The following ROBO1 variants were observed in gnomAD, a reference collection of about 807,000 sequenced individuals.
The protein encoded by ROBO1 is roundabout homolog 1.
In ROBO1, 149 loss-of-function variants were observed where a neutral mutation model predicts 195.9. The observed-to-expected ratio is 0.76, with a 90% confidence interval of 0.67 to 0.87. The LOEUF (loss-of-function observed/expected upper bound fraction) is 0.87, where lower values mean the gene tolerates loss of function less well. ROBO1 is among the 40% of genes least tolerant of loss of function. The pLI is 0.00. For synonymous variants in ROBO1, 816 were observed against 733.2 expected (o/e 1.11, Z -1.82); for missense variants, 1,933 against 2,068.3 (o/e 0.93, Z 1.27).
intron 2 of ROBO1, among the ~76,000 whole-genome samples, chr3:79,405,072 T>C: frequency 6.6e-6 from 1 of 152,252 alleles, no homozygotes; most frequent in South Asian, 2.1e-4. Flanking sequence ...GTAGATAATT[T>C]ACAAATATTC....
At chr3:78,746,698 CAGTT>C (rs762042664) in intron 5 of ROBO1, 41 bp downstream of exon 5, 113 of 1,374,634 alleles carry the variant, frequency 8.2e-5, no homozygotes, top group Non-Finnish European at 1.1e-4. Context: ...AAGATACACA[CAGTT>C]AGACCAACAA....
intron 4 of ROBO1, among the ~76,000 whole-genome samples, chr3:78,916,206 C>A (rs1365927578): frequency 7.2e-6 from 1 of 139,254 alleles, no homozygotes; most frequent in Non-Finnish European, 1.5e-5. Context: ...GCCGAGATCG[C>A]GCCACTGCAC....
intron 7 of ROBO1, 68 bp from the exon 8 acceptor site, chr3:78,714,592 A>G (rs2081853818): frequency 1.4e-6 from 2 of 1,424,040 alleles, no homozygotes; most frequent in African/African-American, 1.4e-5. Flanking sequence ...TATTATACAC[A>G]CAATGCTTCA....
intron 3 of ROBO1, among the ~76,000 whole-genome samples, chr3:78,973,921 A>G (rs1055733912): frequency 2.0e-5 from 3 of 152,212 alleles, no homozygotes; most frequent in East Asian, 1.9e-4. Flanking sequence ...AGTGTGTATC[A>G]TATTTTCCTT....
chr3:78,639,306 T>C (rs1450385286), intron 22 of ROBO1, among the ~76,000 whole-genome samples: 4 of 151,498 alleles, frequency 2.6e-5, no homozygotes, highest in Non-Finnish European at 4.4e-5. Context: ...AAAAAAAATA[T>C]ATAAAAATTA....
chr3:79,178,621 G>A (rs1049746723), intron 2 of ROBO1, among the ~76,000 whole-genome samples: 2 of 152,122 alleles, frequency 1.3e-5, no homozygotes, highest in Admixed American at 6.5e-5. Flanking sequence ...AGAAAGGCAC[G>A]GAGCAGAAGG....
intron 8 of ROBO1, among the ~76,000 whole-genome samples, chr3:78,704,995 T>C (rs2081516114): frequency 6.6e-6 from 1 of 152,212 alleles, no homozygotes; most frequent in Non-Finnish European, 1.5e-5. Context: ...CCAGATTAAA[T>C]TATATTGAAG....
chr3:78,750,508 TAAAA>T (rs1160655680), intron 4 of ROBO1, among the ~76,000 whole-genome samples: 1 of 149,650 alleles, frequency 6.7e-6, no homozygotes, highest in Admixed American at 6.7e-5. Context: ...TAAAATAAAA[TAAAA>T]AAGTTCACTA....
intron 1 of ROBO1, among the ~76,000 whole-genome samples, chr3:79,602,330 C>T (rs1944363109): frequency 1.3e-5 from 2 of 151,954 alleles, no homozygotes; most frequent in Non-Finnish European, 2.9e-5. Flanking sequence ...ACACAAAAGG[C>T]TGTGCATGAA....
At chr3:79,249,805 G>A (rs565762043) in intron 2 of ROBO1, among the ~76,000 whole-genome samples, 1 of 152,272 alleles carries the variant, frequency 6.6e-6, no homozygotes, top group East Asian at 1.9e-4. Context: ...AGAAAGAAGT[G>A]TGTACGTTCC....
At chr3:79,742,708 A>G (rs1703701996) in intron 1 of ROBO1, among the ~76,000 whole-genome samples, 1 of 152,198 alleles carries the variant, frequency 6.6e-6, no homozygotes, top group South Asian at 2.1e-4. Context: ...AGAATAGCTA[A>G]GAGTTTCTCT....
intron 2 of ROBO1, among the ~76,000 whole-genome samples, chr3:79,545,326 T>C (rs1942225323): frequency 6.6e-6 from 1 of 152,214 alleles, no homozygotes; most frequent in Non-Finnish European, 1.5e-5. Flanking sequence ...AACCACCTTC[T>C]CAATCACTAA....
At chr3:79,515,892 GTATATTTTACTTCATGAATAAAA>G (rs983525243) in intron 2 of ROBO1, among the ~76,000 whole-genome samples, 7 of 152,058 alleles carry the variant, frequency 4.6e-5, no homozygotes, top group Admixed American at 2.0e-4. Context: ...CTTTGCATCA[GTATATTTTACTTCATGAATAAAA>G]TATATTTTAC....
chr3:79,263,978 A>G (rs1003343557), intron 2 of ROBO1, among the ~76,000 whole-genome samples: 1 of 152,056 alleles, frequency 6.6e-6, no homozygotes, highest in Non-Finnish European at 1.5e-5. Context: ...AATCTACCAC[A>G]AATCCTTGCA....
intron 19 of ROBO1, among the ~76,000 whole-genome samples, chr3:78,650,168 G>A (rs1405514916): frequency 1.3e-5 from 2 of 151,930 alleles, no homozygotes; most frequent in Non-Finnish European, 2.9e-5. Flanking sequence ...AAAACCCCTT[G>A]TCTACAATTA....
chr3:79,095,074 T>C (rs1158384376), intron 3 of ROBO1, among the ~76,000 whole-genome samples: 2 of 152,052 alleles, frequency 1.3e-5, no homozygotes, highest in South Asian at 4.2e-4. Context: ...TCAACCTTCA[T>C]AGGGCTCACA....
chr3:79,182,071 AT>A (rs2081351443), intron 2 of ROBO1, among the ~76,000 whole-genome samples: 1 of 151,914 alleles, frequency 6.6e-6, no homozygotes, highest in African/African-American at 2.4e-5. Flanking sequence ...GGATATATTA[AT>A]TTTTTGTTTG....
chr3:78,766,960 T>C (rs2108399193), intron 4 of ROBO1, among the ~76,000 whole-genome samples: 1 of 152,318 alleles, frequency 6.6e-6, no homozygotes, highest in South Asian at 2.1e-4. Context: ...GCTTCCCTGG[T>C]ATGAAACCCA....
In ROBO1 at chr3:79,746,914, T is replaced by C. The variant is rs143834950; in HGVS notation, c.-51+20838A>G. Among the ~76,000 whole-genome samples, 861 of 152,232 alleles carry C rather than the reference T, an allele frequency of 5.7e-3. 7 individuals are homozygous for C. The highest frequency in any genetic ancestry group is 0.018 in the African/African-American group (745 of 41,568). ...TTTCTAATTTAGCTTTAATTCAATA[T>C]CATTTTCTTTGTAAAAAAGCATTAT... On this transcript the variant is annotated intron_variant, in intron 1 of 30. Coordinates refer to ENST00000464233, the MANE Select transcript of ROBO1 (RefSeq NM_002941.4).
Sources: allele counts gnomAD v4.1 joint callset (sites outside exome capture counted in the v4.1 genomes callset), GRCh38; gene constraint gnomAD v4.1.1; transcripts MANE v1.5; gene names NCBI Gene and HGNC (gene_info 2026-07-23, HGNC 2026-07-21).